Variants in TRIM11 observed in about 807,000 individuals in gnomAD.
TRIM11 encodes tripartite motif containing 11, also known as E3 ubiquitin-protein ligase TRIM11.
TRIM11 carries 15 observed loss-of-function variants against 33.4 expected under a neutral mutation model. The ratio of observed to expected loss-of-function variants is 0.45; its 90% CI spans 0.30 to 0.69. The LOEUF (loss-of-function observed/expected upper bound fraction) is 0.69, where lower values mean the gene tolerates loss of function less well. Among genes scored for constraint, TRIM11 ranks in the 30% least tolerant of loss-of-function variants. The pLI, the probability that TRIM11 is intolerant of heterozygous loss-of-function variation, is 0.08. For synonymous variants in TRIM11, 281 were observed against 302.6 expected (o/e 0.93, Z 0.74); for missense variants, 499 against 667.6 (o/e 0.75, Z 2.78).
rs1656428599 is a variant in TRIM11 at position 228,406,636 on chromosome 1, C to G, written c.-75G>C. ...GCGGCCTCGGCAGCTCGCGGGGACG[C>G]GGGGTATCCGGGTGCGGCGGCGCAG... On this transcript the variant is annotated 5_prime_UTR_variant, in exon 1 of 6. Transcript: ENST00000284551. The surrounding 1 kb of genome is among the most constrained non-coding windows in gnomAD (Gnocchi z 8.2). The G allele has an allele frequency of 1.5e-6, 2 of 1,317,144 alleles. No homozygotes were observed. Among genetic ancestry groups the G allele is most frequent in the South Asian group, 2.0e-5 (1 of 49,632 alleles). 81.6% of individuals were successfully genotyped at this position (1,317,144 alleles called of 1,614,324 possible).
In TRIM11 at chr1:228,395,327, G is replaced by A. The variant is rs1310102440; in HGVS notation, c.860-75C>T. 2 of 1,368,444 alleles carry A rather than the reference G, an allele frequency of 1.5e-6. No homozygotes were observed. The highest frequency in any genetic ancestry group is 1.9e-6 in the Non-Finnish European group (2 of 1,056,956). 84.8% of individuals were successfully genotyped at this position (1,368,444 alleles called of 1,614,324 possible). A position where few individuals can be genotyped will look rare whatever the true frequency, so the allele number is the denominator to read the frequency against. ...GGCCATCTGCCCATGTCCTGGGCAT[G>A]TAGGTACAATCCTCCCAGTCGGACG... On this transcript the variant is annotated intron_variant, in intron 5 of 5. Transcript: ENST00000284551. The surrounding 1 kb of genome is among the most constrained non-coding windows in gnomAD (Gnocchi z 4.8).
In TRIM11 at chr1:228,393,677, T is replaced by G. The variant is rs1037139131; in HGVS notation, c.*1028A>C. On this transcript the variant is annotated 3_prime_UTR_variant, in exon 6 of 6. Transcript: ENST00000284551. ...CTAAGCAGGCACCAGCAGGATGACT[T>G]GTAGACAACAGCCAAAGTTTATTTA... The G allele has an allele frequency of 2.6e-5, 4 of 152,218 alleles. No individual in the cohort carries two copies. Among genetic ancestry groups the G allele is most frequent in the Non-Finnish European group, 5.9e-5 (4 of 68,064 alleles). The allele number at this position is 152,218 out of a possible 1,614,324, so 9.4% of individuals were successfully genotyped here.
rs188784657 is a variant in TRIM11 at position 228,402,408 on chromosome 1, G to A, written c.409-247C>T. ...CTCATATGGGGCATTTCTAGTCCTC[G>A]ACCTTGCTACCCTAGCCCAGGCCTC... On this transcript the variant is annotated intron_variant, in intron 1 of 5. Transcript: ENST00000284551. 1.7e-3 allele frequency: 643 copies of A among 376,328 alleles called. 1 individual carries two copies. The highest frequency in any genetic ancestry group is 6.6e-3 in the Middle Eastern group (9 of 1,366). 23.3% of individuals were successfully genotyped at this position (376,328 alleles called of 1,614,324 possible). A position where few individuals can be genotyped will look rare whatever the true frequency, so the allele number is the denominator to read the frequency against.
At chr1:228,397,087 G>A (rs756093074) in intron 4 of TRIM11, 40 bp from the exon 5 acceptor site, 10 of 1,613,594 alleles carry the variant, frequency 6.2e-6, no homozygotes, top group Non-Finnish European at 7.6e-6. Flanking sequence ...ATGGCCAACA[G>A]CTGGGTCCCA....
At chr1:228,404,474 A>G (rs1190462929) in intron 1 of TRIM11, 2 of 152,280 alleles carry the variant, frequency 1.3e-5, no homozygotes, top group African/African-American at 2.4e-5. Flanking sequence ...AGGTAAAAGC[A>G]GTTTGCTGTG....
rs759678384 is a variant in TRIM11, at chr1:228,397,051, G to C, written c.759-4C>G. ...CTGCAGCTTCACATCCTGGACCCTAGAGGGGACAACCCAGGTGTTGTCGCC... is the reference window on the plus strand; with the variant it reads ...CTGCAGCTTCACATCCTGGACCCTACAGGGGACAACCCAGGTGTTGTCGCC... On this transcript the variant is annotated splice_polypyrimidine_tract_variant and splice_region_variant and intron_variant, in intron 4 of 5. Coordinates refer to ENST00000284551, the MANE Select transcript of TRIM11 (RefSeq NM_145214.3). 5.6e-6 allele frequency: 9 copies of C among 1,613,760 alleles called. No individual in the cohort carries two copies. Among genetic ancestry groups the C allele is most frequent in the Non-Finnish European group, 7.6e-6 (9 of 1,179,860 alleles).
Position 228,400,935 on chromosome 1 carries a change from C to A in TRIM11, c.735+29G>T. 6.6e-7 allele frequency: 1 copy of A among 1,515,412 alleles called. No individual in the cohort carries two copies. The highest frequency in any genetic ancestry group is 1.3e-5 in the South Asian group (1 of 77,560). The allele number at this position is 1,515,412 out of a possible 1,614,324, so 93.9% of individuals were successfully genotyped here. A position where few individuals can be genotyped will look rare whatever the true frequency, so the allele number is the denominator to read the frequency against. The stretch of plus-strand genomic sequence containing the variant: ...GTGTGGCCAGGCCATGCCCGTGTGG[C>A]CACCATGGCTGCTCCCCGCCCAGCT... On this transcript the variant is annotated intron_variant, in intron 3 of 5. Coordinates refer to ENST00000284551, the MANE Select transcript of TRIM11 (RefSeq NM_145214.3). This position sits in a 1 kb window ranked among gnomAD's most constrained non-coding sequence, Gnocchi z 4.5.
chr1:228,398,944 G>C (rs1019431272), intron 3 of TRIM11, among the ~76,000 whole-genome samples: 2 of 152,048 alleles, frequency 1.3e-5, no homozygotes, highest in African/African-American at 4.8e-5. Flanking sequence ...ACAGAACACG[G>C]GCCCTCCAGG....
Position 228,395,278 on chromosome 1 carries a change from C to T in TRIM11, c.860-26G>A. The T allele has an allele frequency of 2.1e-6, 3 of 1,425,118 alleles. No individual in the cohort carries two copies. The highest frequency in any genetic ancestry group is 1.8e-6 in the Non-Finnish European group (2 of 1,093,410). The allele number at this position is 1,425,118 out of a possible 1,614,324, so 88.3% of individuals were successfully genotyped here. On this transcript the variant is annotated intron_variant, in intron 5 of 5. Transcript: ENST00000284551. The surrounding 1 kb of genome is among the most constrained non-coding windows in gnomAD (Gnocchi z 4.8). ...CTGCAGAGAGAGGCCCAAGGTCACC[C>T]AGGCACAGCCACAGGCAAGCTGGGG...
intron 3 of TRIM11, among the ~76,000 whole-genome samples, chr1:228,399,417 G>A (rs1574084892): frequency 6.6e-6 from 1 of 152,276 alleles, no homozygotes; most frequent in East Asian, 1.9e-4. Context: ...CCACTCAGCG[G>A]GGTGAATGCA....
chr1:228,405,885 G>A, intron 1 of TRIM11: 1 of 398,564 alleles, frequency 2.5e-6, no homozygotes, highest in Middle Eastern at 6.3e-4. Flanking sequence ...TCTATGAGAG[G>A]TACGCCCCTC....
chr1:228,402,862 A>C (rs1390159221), intron 1 of TRIM11: 1 of 152,424 alleles, frequency 6.6e-6, no homozygotes, highest in Non-Finnish European at 1.5e-5. Flanking sequence ...TCCAGCCTCC[A>C]GAGCTGTGAG....
chr1:228,402,503 G>A (rs1012771945), intron 1 of TRIM11: 6 of 201,894 alleles, frequency 3.0e-5, no homozygotes, highest in Non-Finnish European at 6.1e-5. Context: ...TGGCTCTGAA[G>A]GTGCTGAGCT....
chr1:228,401,899 G>A lies in TRIM11; in HGVS notation c.504+167C>T, dbSNP rs1467945749. 1.3e-5 allele frequency among the ~76,000 whole-genome samples: 2 copies of A among 152,172 alleles called. No homozygotes were observed. The highest frequency in any genetic ancestry group is 1.3e-4 in the Admixed American group (2 of 15,292). On this transcript the variant is annotated intron_variant, in intron 2 of 5. Transcript: ENST00000284551. This position sits in a 1 kb window ranked among gnomAD's most constrained non-coding sequence, Gnocchi z 6.1. ...GACCTGGCAGGACAGGTGCACGTGG[G>A]AAAGGACCAGCCCTTCAGTGGGCTC...
chr1:228,398,093 G>A (rs1409105555), intron 3 of TRIM11, among the ~76,000 whole-genome samples: 13 of 152,184 alleles, frequency 8.5e-5, no homozygotes, highest in Admixed American at 8.5e-4. Context: ...GCTCTTAGGA[G>A]ACACGGTCTT....
chr1:228,399,833 T>G (rs1656107833), intron 3 of TRIM11, among the ~76,000 whole-genome samples: 2 of 137,770 alleles, frequency 1.5e-5, no homozygotes, highest in Non-Finnish European at 3.0e-5. Flanking sequence ...TGTGCACCAT[T>G]CGGGTGATGG....
chr1:228,401,381 C>A lies in TRIM11; in HGVS notation c.505-187G>T, dbSNP rs1656214920. On this transcript the variant is annotated intron_variant, in intron 2 of 5. Transcript: ENST00000284551. This position sits in a 1 kb window ranked among gnomAD's most constrained non-coding sequence, Gnocchi z 6.1. ...AACCCACCACCTGGTGCTGGCCAGA[C>A]CCCAAACCCACCTGTGGCACCTCCC... Among the ~76,000 whole-genome samples, 1 of 152,014 alleles carries A rather than the reference C, an allele frequency of 6.6e-6. No homozygotes were observed. The highest frequency in any genetic ancestry group is 1.5e-5 in the Non-Finnish European group (1 of 67,976).
At position 228,397,011 on chromosome 1, in the gene TRIM11, C is replaced by T. The variant is rs147409443; in HGVS notation, c.795G>A (p.Val265=). 6 of 1,614,068 alleles carry T rather than the reference C, an allele frequency of 3.7e-6. No individual in the cohort carries two copies. Among genetic ancestry groups the T allele is most frequent in the Non-Finnish European group, 5.1e-6 (6 of 1,179,992 alleles). ...TGCACACGGTCCTCAGCTCCATAGG[C>T]ACAACTTCTGGGGGCTGCAGCTTCA... ...QDVKLQPPEV[V]PMELRTVCRV... is the part of the protein sequence containing the mutation. The change falls in exon 5 of 6, where the codon GTG becomes GTA. Residue 265 remains valine, a synonymous_variant. Transcript: ENST00000284551.
chr1:228,395,090 C>T lies in TRIM11; in HGVS notation c.1022G>A (p.Arg341His), dbSNP rs776256499. The T allele has an allele frequency of 8.7e-6, 14 of 1,603,580 alleles. No homozygotes were observed. Among genetic ancestry groups the T allele is most frequent in the African/African-American group, 1.3e-5 (1 of 74,782 alleles). The change falls in exon 6 of 6, where the codon CGC becomes CAC. Residue 341 changes from arginine to histidine, a missense_variant. Arg to His is a conservative substitution (Grantham distance 29). Transcript: ENST00000284551. This position sits in a 1 kb window ranked among gnomAD's most constrained non-coding sequence, Gnocchi z 4.8. ...VLGQERFTSG[R>H]HYWEVEVGDR... is the part of the protein sequence containing the mutation. ...CCCAACCTCCACCTCCCAGTAGTGG[C>T]GGCCTGAGGTGAAGCGCTCCTGGCC...
Sources: allele counts gnomAD v4.1 joint callset (sites outside exome capture counted in the v4.1 genomes callset), GRCh38; gene constraint gnomAD v4.1.1; non-coding constraint Gnocchi (gnomAD v3.1); transcripts MANE v1.5; gene names NCBI Gene and HGNC (gene_info 2026-07-23, HGNC 2026-07-21).